Variants in C3orf20 observed in about 807,000 individuals in gnomAD.
The protein encoded by C3orf20 is family with sequence similarity 149 member C.
Under a neutral mutation model 88.3 loss-of-function variants are expected in C3orf20, and 76 were observed. The observed-to-expected ratio is 0.86, with a 90% confidence interval of 0.72 to 1.04. The LOEUF (loss-of-function observed/expected upper bound fraction) is 1.04, where lower values mean the gene tolerates loss of function less well. Among genes scored for constraint, C3orf20 ranks in the 50% least tolerant of loss-of-function variants. The probability of loss-of-function intolerance (pLI) is 0.00; values close to 1 mark genes in which losing one functional copy is unlikely to be tolerated. For synonymous variants in C3orf20, 436 were observed against 437.4 expected, an observed-to-expected ratio of 1.00 and a Z score of 0.04; for missense variants, 1,056 against 1,123.3, an observed-to-expected ratio of 0.94 and a Z score of 0.86.
chr3:14,698,769 A>G (rs554451781), intron 5 of C3orf20, among the ~76,000 whole-genome samples: 4 of 152,178 alleles, frequency 2.6e-5, no homozygotes, highest in Admixed American at 6.5e-5. Context: ...TGTAACCACT[A>G]CCTGACTACT....
intron 12 of C3orf20, among the ~76,000 whole-genome samples, chr3:14,730,896 C>A (rs1396198714): frequency 6.6e-6 from 1 of 152,172 alleles, no homozygotes; most frequent in African/African-American, 2.4e-5. Context: ...TTGCATTTCC[C>A]TGATGACTAT....
In C3orf20 at chr3:14,759,971, G is replaced by C. The variant is rs779820278; in HGVS notation, c.2325G>C (p.Lys775Asn). 1 of 1,614,086 alleles carries C rather than the reference G, an allele frequency of 6.2e-7. No homozygotes were observed. Among genetic ancestry groups the C allele is most frequent in the South Asian group, 1.1e-5 (1 of 91,084 alleles). ...LQEDPPLMVKKNSVVQGMILM... is the reference protein window; with the variant it reads ...LQEDPPLMVKNNSVVQGMILM... ...AGGACCCTCCCCTGATGGTGAAGAAGAACTCTGTGGTGCAGGGGATGATTC... is the reference window on the plus strand; with the variant it reads ...AGGACCCTCCCCTGATGGTGAAGAACAACTCTGTGGTGCAGGGGATGATTC... Residue 775 changes from lysine to asparagine, a missense_variant, in exon 14 of 17, where the codon AAG becomes AAC. Lys to Asn is a moderately conservative substitution (Grantham distance 94, BLOSUM62 0). Coordinates refer to ENST00000253697, the MANE Select transcript of C3orf20 (RefSeq NM_032137.5).
Position 14,684,237 on chromosome 3 carries a change from T to G in C3orf20, c.485-5T>G. ...GACACGTGTTGCTTTCTATCATTGC[T>G]TTAGTGGGTGCCAACCCCTTGGACA... On this transcript the variant is annotated splice_region_variant and splice_polypyrimidine_tract_variant and intron_variant, in intron 3 of 16. Coordinates refer to ENST00000253697, the MANE Select transcript of C3orf20 (RefSeq NM_032137.5). 3 of 1,613,868 alleles carry G rather than the reference T, an allele frequency of 1.9e-6. No homozygotes were observed. The highest frequency in any genetic ancestry group is 2.5e-6 in the Non-Finnish European group (3 of 1,179,924).
intron 5 of C3orf20, 59 bp from the exon 6 acceptor site, chr3:14,703,071 C>T: frequency 6.3e-7 from 1 of 1,592,628 alleles, no homozygotes; most frequent in South Asian, 1.1e-5. Flanking sequence ...GACACTGATG[C>T]AAAAGGTGGG....
chr3:14,752,778 C>T (rs562695469), intron 12 of C3orf20, among the ~76,000 whole-genome samples: 57 of 152,214 alleles, frequency 3.7e-4, no homozygotes, highest in African/African-American at 1.2e-3. Context: ...CAAATCAAAA[C>T]GATAATGAGA....
chr3:14,685,619 C>T (rs1394998016), intron 4 of C3orf20, among the ~76,000 whole-genome samples: 1 of 151,924 alleles, frequency 6.6e-6, no homozygotes, highest in Non-Finnish European at 1.5e-5. Flanking sequence ...ACAATTCATT[C>T]CTCTTATAAG....
rs750205548 is a variant in C3orf20 at position 14,690,159 on chromosome 3, G to A, written c.745+43G>A. The A allele has an allele frequency of 3.3e-5, 54 of 1,612,540 alleles. No homozygotes were observed. The East Asian group carries it at 3.8e-4, about 11-fold the overall frequency. ...TGGCCTACCATTCATTGGTGGTGGCGGTGGGGTGGGGGATAGGTTTCCGTC... is the reference window on the plus strand; with the variant it reads ...TGGCCTACCATTCATTGGTGGTGGCAGTGGGGTGGGGGATAGGTTTCCGTC... On this transcript the variant is annotated intron_variant, in intron 5 of 16. Transcript: ENST00000253697.
At chr3:14,726,541 C>G (rs181179145) in intron 10 of C3orf20, among the ~76,000 whole-genome samples, 2 of 152,238 alleles carry the variant, frequency 1.3e-5, no homozygotes, top group African/African-American at 4.8e-5. Flanking sequence ...GACCAAGACT[C>G]GGTCCCTTCC....
At position 14,772,117 on chromosome 3, in the gene C3orf20, C is replaced by G; in HGVS notation, c.2546C>G (p.Ala849Gly). 1.9e-6 allele frequency: 3 copies of G among 1,614,212 alleles called. No homozygotes were observed. The highest frequency in any genetic ancestry group is 2.5e-6 in the Non-Finnish European group (3 of 1,180,018). Residue 849 changes from alanine to glycine, a missense_variant, in exon 16 of 17, where the codon GCC becomes GGC. Transcript: ENST00000253697. This position sits in a 1 kb window ranked among gnomAD's most constrained non-coding sequence, Gnocchi z 4.2. ...SLEDSESVKKAESEDIQGSSS... is the reference protein window; with the variant it reads ...SLEDSESVKKGESEDIQGSSS... Reference sequence around the variant, plus strand: ...GAGGATTCTGAATCAGTCAAGAAAGCCGAGTCAGAAGATATCCAAGGAAGC... The same window carrying G: ...GAGGATTCTGAATCAGTCAAGAAAGGCGAGTCAGAAGATATCCAAGGAAGC...
chr3:14,731,311 A>T (rs2034535154), intron 12 of C3orf20, among the ~76,000 whole-genome samples: 1 of 152,184 alleles, frequency 6.6e-6, no homozygotes. Context: ...TGTTACATGG[A>T]TCAGCAGTTC....
chr3:14,708,329 G>C (rs1196429762), intron 7 of C3orf20, among the ~76,000 whole-genome samples: 1 of 152,152 alleles, frequency 6.6e-6, no homozygotes. Context: ...ATTGACTGTA[G>C]AACTATAGAT....
At chr3:14,764,513 G>A (rs62239892) in intron 15 of C3orf20, among the ~76,000 whole-genome samples, 1,478 of 106,578 alleles carry the variant, frequency 0.014, 29 homozygotes, top group African/African-American at 0.038. Flanking sequence ...TATTATTGTT[G>A]TTGTTGTTGT....
chr3:14,724,392 C>T (rs1049206989), intron 10 of C3orf20, among the ~76,000 whole-genome samples: 3 of 152,190 alleles, frequency 2.0e-5, no homozygotes, highest in Non-Finnish European at 4.4e-5. Flanking sequence ...AGAAAAATTA[C>T]TCTCAGTCTG....
At chr3:14,688,057 A>G (rs763965007) in intron 4 of C3orf20, among the ~76,000 whole-genome samples, 3 of 152,286 alleles carry the variant, frequency 2.0e-5, no homozygotes, top group Middle Eastern at 3.4e-3. Context: ...GGAGTGATCC[A>G]TTTATTTTGG....
chr3:14,691,277 C>A (rs1342601386), intron 5 of C3orf20, among the ~76,000 whole-genome samples: 1 of 152,198 alleles, frequency 6.6e-6, no homozygotes, highest in East Asian at 1.9e-4. Context: ...CAATAACCCA[C>A]AGCACCATTG....
At position 14,703,519 on chromosome 3, in the gene C3orf20, G is replaced by A. The variant is rs1033694359; in HGVS notation, c.878+257G>A. On this transcript the variant is annotated intron_variant, in intron 6 of 16. Transcript: ENST00000253697. ...GCAACCATGCAAGGAAGACAGGATT[G>A]ATGCCCATTTTGTGGATGGGGAAAC... is the stretch of plus-strand genomic sequence containing the variant. Among the ~76,000 whole-genome samples the A allele has an allele frequency of 3.9e-5, 6 of 152,226 alleles. No individual in the cohort carries two copies. In the East Asian group the frequency reaches 1.2e-3, roughly 29 times the overall value.
chr3:14,757,356 T>C lies in C3orf20; in HGVS notation c.1941-15T>C. Reference sequence around the variant, plus strand: ...ACCTTCTGAGGGTCCCTGTGCACTGTGCTCCTCCTTGCAGAGGGAAGGCCC... The same window carrying C: ...ACCTTCTGAGGGTCCCTGTGCACTGCGCTCCTCCTTGCAGAGGGAAGGCCC... On this transcript the variant is annotated splice_polypyrimidine_tract_variant and intron_variant, in intron 12 of 16. Transcript: ENST00000253697. The C allele has an allele frequency of 6.2e-7, 1 of 1,606,472 alleles. No homozygotes were observed. Among genetic ancestry groups the C allele is most frequent in the Non-Finnish European group, 8.5e-7 (1 of 1,176,862 alleles).
rs149883985 is a variant in C3orf20 at position 14,762,765 on chromosome 3, C to T, written c.2495+1150C>T. On this transcript the variant is annotated intron_variant, in intron 15 of 16. Coordinates refer to ENST00000253697, the MANE Select transcript of C3orf20 (RefSeq NM_032137.5). Reference sequence around the variant, plus strand: ...TCCTGTGACTGCACCCCCACAGCACCGAGTCTGGGTACCCCCTACTCCCAC... The same window carrying T: ...TCCTGTGACTGCACCCCCACAGCACTGAGTCTGGGTACCCCCTACTCCCAC... 1.4e-4 allele frequency among the ~76,000 whole-genome samples: 21 copies of T among 152,282 alleles called. No individual in the cohort carries two copies. In the East Asian group the frequency reaches 1.9e-3, roughly 14 times the overall value.
chr3:14,697,453 T>TA (rs1296495354), intron 5 of C3orf20, among the ~76,000 whole-genome samples: 1 of 152,110 alleles, frequency 6.6e-6, no homozygotes, highest in Non-Finnish European at 1.5e-5. Flanking sequence ...ATTCTACTGT[T>TA]AAAAGATTCT....
Sources: allele counts gnomAD v4.1 joint callset (sites outside exome capture counted in the v4.1 genomes callset), GRCh38; gene constraint gnomAD v4.1.1; non-coding constraint Gnocchi (gnomAD v3.1); transcripts MANE v1.5; gene names NCBI Gene and HGNC (gene_info 2026-07-23, HGNC 2026-07-21).